GDPD4: variants seen among roughly 807,000 people sequenced by gnomAD.
GDPD4 encodes glycerophosphodiester phosphodiesterase 6.
Under a neutral mutation model 67.8 loss-of-function variants are expected in GDPD4, and 60 were observed. The observed-to-expected ratio is 0.88, with a 90% CI of 0.72 to 1.10. The LOEUF (loss-of-function observed/expected upper bound fraction) is 1.10. Ranked by LOEUF, GDPD4 falls within the 50% of genes least tolerant of loss-of-function variation. GDPD4 has a pLI of 0.00. For missense variants in GDPD4, 623 were observed against 613.9 expected (o/e 1.01, Z -0.16); for synonymous variants, 212 against 210.9 (o/e 1.00, Z -0.04).
intron 10 of GDPD4, among the ~76,000 whole-genome samples, chr11:77,262,224 A>C (rs1894215): frequency 0.67 from 102,050 of 152,012 alleles, 34,416 homozygotes; most frequent in East Asian, 0.77. Context: ...TATACCTGGC[A>C]CTCAAGAACA....
intron 3 of GDPD4, among the ~76,000 whole-genome samples, chr11:77,281,388 G>A (rs1333194074): frequency 6.6e-6 from 1 of 152,118 alleles, no homozygotes; most frequent in African/African-American, 2.4e-5. Flanking sequence ...CCCTCGCACA[G>A]TTTGAAATGG....
At chr11:77,257,110 C>G (rs1024912247) in intron 11 of GDPD4, among the ~76,000 whole-genome samples, 1 of 152,150 alleles carries the variant, frequency 6.6e-6, no homozygotes, top group Non-Finnish European at 1.5e-5. Context: ...AATTACACTA[C>G]TACCGTATAA....
At chr11:77,221,925 G>C (rs1374601683) in intron 16 of GDPD4, among the ~76,000 whole-genome samples, 1 of 151,782 alleles carries the variant, frequency 6.6e-6, no homozygotes, top group African/African-American at 2.4e-5. Flanking sequence ...CCTGTATTGG[G>C]TGCATATATA....
intron 1 of GDPD4, among the ~76,000 whole-genome samples, chr11:77,299,441 GAAAAT>G (rs1198959917): frequency 6.6e-6 from 1 of 151,988 alleles, no homozygotes; most frequent in Non-Finnish European, 1.5e-5. Context: ...TTTTTCTATA[GAAAAT>G]AAAACATTAT....
chr11:77,288,936 G>T (rs1018800548), intron 1 of GDPD4, among the ~76,000 whole-genome samples: 1 of 150,830 alleles, frequency 6.6e-6, no homozygotes, highest in East Asian at 2.0e-4. Flanking sequence ...AAATCCGAAT[G>T]AGATAATTCA....
In GDPD4 at chr11:77,243,517, CAGGGAGGG is replaced by C. The variant is rs34716355; in HGVS notation, c.1241+169_1241+176del. Among the ~76,000 whole-genome samples the C allele has an allele frequency of 6.6e-5, 7 of 105,940 alleles. No homozygotes were observed. The South Asian group carries it at 1.6e-3, about 25-fold the overall frequency. 69.5% of individuals were successfully genotyped at this position (105,940 alleles called of 152,430 possible). A position where few individuals can be genotyped will look rare whatever the true frequency, so the allele number is the denominator to read the frequency against. ...AACACTTGATAAATGTTTGTTGGCA[CAGGGAGGG>C]AGGGAGGGAGGGAGGGAGGAAGGGG... On this transcript the variant is annotated intron_variant, in intron 13 of 16. Coordinates refer to ENST00000315938, the MANE Select transcript of GDPD4 (RefSeq NM_182833.3).
chr11:77,270,693 G>A lies in GDPD4; in HGVS notation c.400+437C>T, dbSNP rs531534804. Among the ~76,000 whole-genome samples, 13 of 152,236 alleles carry A rather than the reference G, an allele frequency of 8.5e-5. No individual in the cohort carries two copies. In the East Asian group the frequency reaches 2.5e-3, roughly 29 times the overall value. The stretch of plus-strand genomic sequence containing the variant: ...CACTGCACTCCAGCCTGGCAATGGA[G>A]CAAGACTCTGTCTCAAAAAACACAA... On this transcript the variant is annotated intron_variant, in intron 7 of 16. Transcript: ENST00000315938.
chr11:77,234,771 A>G (rs1355928144), intron 13 of GDPD4, among the ~76,000 whole-genome samples: 1 of 152,134 alleles, frequency 6.6e-6, no homozygotes, highest in Admixed American at 6.6e-5. Context: ...GGTTGATTCC[A>G]TGTCTCTGCT....
At chr11:77,276,505 A>C (rs1959477119) in intron 4 of GDPD4, among the ~76,000 whole-genome samples, 1 of 152,216 alleles carries the variant, frequency 6.6e-6, no homozygotes, top group Non-Finnish European at 1.5e-5. Context: ...CTAAGATTTC[A>C]TAACAATTAC....
intron 10 of GDPD4, among the ~76,000 whole-genome samples, chr11:77,264,614 T>C (rs1959169821): frequency 6.6e-6 from 1 of 152,142 alleles, no homozygotes; most frequent in Admixed American, 6.6e-5. Flanking sequence ...TTTACTATGA[T>C]GTTTAAGAAG....
At chr11:77,237,719 G>A (rs1000990630) in intron 13 of GDPD4, among the ~76,000 whole-genome samples, 1 of 152,174 alleles carries the variant, frequency 6.6e-6, no homozygotes, top group Non-Finnish European at 1.5e-5. Flanking sequence ...TGAGTCTAAT[G>A]AGAAATGAGA....
intron 16 of GDPD4, among the ~76,000 whole-genome samples, chr11:77,221,138 CTCTATTATTCTTGCTAGTGG>C (rs1208955067): frequency 6.6e-6 from 1 of 151,954 alleles, no homozygotes; most frequent in African/African-American, 2.4e-5. Context: ...ATTGATTCTT[CTCTATTATTCTTGCTAGTGG>C]TCTATCAATT....
chr11:77,262,828 C>T (rs1455277639), intron 10 of GDPD4, among the ~76,000 whole-genome samples: 1 of 118,098 alleles, frequency 8.5e-6, no homozygotes, highest in Non-Finnish European at 1.6e-5. Flanking sequence ...CATTTGATGA[C>T]TCTATCACTA....
chr11:77,259,323 A>G (rs967831870), intron 10 of GDPD4, among the ~76,000 whole-genome samples: 1 of 152,190 alleles, frequency 6.6e-6, no homozygotes, highest in African/African-American at 2.4e-5. Context: ...ATCAGATAGT[A>G]TCATAAGGTA....
intron 11 of GDPD4, among the ~76,000 whole-genome samples, chr11:77,246,674 A>G (rs766741075): frequency 1.3e-5 from 2 of 152,204 alleles, no homozygotes; most frequent in Non-Finnish European, 2.9e-5. Flanking sequence ...TGATAAAAAT[A>G]TTTACAGGGT....
chr11:77,226,993 T>G (rs967872365), intron 16 of GDPD4, among the ~76,000 whole-genome samples: 1 of 152,148 alleles, frequency 6.6e-6, no homozygotes, highest in Non-Finnish European at 1.5e-5. Context: ...CATAAGAAAT[T>G]AAATTAAATT....
intron 3 of GDPD4, 85 bp downstream of exon 3, chr11:77,285,000 G>T: frequency 1.0e-6 from 1 of 986,108 alleles, no homozygotes; most frequent in South Asian, 1.4e-5. Flanking sequence ...TATATCACCG[G>T]ATCTTTTCAG....
intron 1 of GDPD4, among the ~76,000 whole-genome samples, chr11:77,298,911 A>C (rs979061691): frequency 1.3e-5 from 2 of 152,112 alleles, no homozygotes; most frequent in African/African-American, 2.4e-5. Flanking sequence ...TAAATAAAAC[A>C]CATCTGATGA....
At position 77,222,147 on chromosome 11, in the gene GDPD4, A is replaced by C. The variant is rs573077224; in HGVS notation, c.1526-4833T>G. Among the ~76,000 whole-genome samples, 15 of 152,334 alleles carry C rather than the reference A, an allele frequency of 9.8e-5. No homozygotes were observed. The South Asian group carries it at 3.1e-3, about 32-fold the overall frequency. ...CACTTGAGATGGGGCTCCTGAATAC[A>C]GCACACTGATGGGTCTTGACTCTAT... On this transcript the variant is annotated intron_variant, in intron 16 of 16. Transcript: ENST00000315938.
Sources: allele counts gnomAD v4.1 joint callset (sites outside exome capture counted in the v4.1 genomes callset), GRCh38; gene constraint gnomAD v4.1.1; transcripts MANE v1.5; gene names NCBI Gene and HGNC (gene_info 2026-07-23, HGNC 2026-07-21).